ERBB4: variants seen among roughly 807,000 people sequenced by gnomAD.
ERBB4 encodes erb-b2 receptor tyrosine kinase 4, also known as receptor tyrosine-protein kinase erbB-4.
ERBB4 carries 42 observed loss-of-function variants against 158.0 expected under a neutral mutation model. That is an observed-to-expected ratio of 0.27 (90% CI 0.21 to 0.34). The LOEUF (loss-of-function observed/expected upper bound fraction) is 0.34. Ranked by LOEUF, ERBB4 falls within the 10% of genes least tolerant of loss-of-function variation. ERBB4 has a pLI of 1.00. For missense variants in ERBB4, 1,333 were observed against 1,624.1 expected, an observed-to-expected ratio of 0.82 and a Z score of 3.08; for synonymous variants, 583 against 558.7, an observed-to-expected ratio of 1.04 and a Z score of -0.61.
intron 4 of ERBB4, among the ~76,000 whole-genome samples, chr2:211,767,699 AACTC>A: frequency 6.6e-6 from 1 of 152,284 alleles, no homozygotes. Flanking sequence ...ATCTTGTAAG[AACTC>A]ACTCACTATC....
chr2:211,458,835 C>G (rs1416529440), intron 20 of ERBB4, among the ~76,000 whole-genome samples: 1 of 152,176 alleles, frequency 6.6e-6, no homozygotes, highest in African/African-American at 2.4e-5. Flanking sequence ...ATCACCAATA[C>G]TTCCTGAATC....
chr2:212,031,612 C>T (rs1378387898), intron 2 of ERBB4, among the ~76,000 whole-genome samples: 1 of 152,094 alleles, frequency 6.6e-6, no homozygotes, highest in African/African-American at 2.4e-5. Context: ...AATGACCAGA[C>T]TTTCAGATAT....
chr2:211,624,079 T>C, intron 17 of ERBB4, 35 bp from the exon 18 acceptor site: 1 of 1,613,522 alleles, frequency 6.2e-7, no homozygotes, highest in Non-Finnish European at 8.5e-7. Flanking sequence ...ATACTTTCAG[T>C]CCGATAGTCA....
At chr2:212,163,839 C>T (rs1235763550) in intron 1 of ERBB4, among the ~76,000 whole-genome samples, 1 of 152,196 alleles carries the variant, frequency 6.6e-6, no homozygotes, top group East Asian at 1.9e-4. Context: ...GTCTCCCAGG[C>T]TGGAGTGTAG....
intron 20 of ERBB4, among the ~76,000 whole-genome samples, chr2:211,434,955 T>C (rs190115769): frequency 2.6e-5 from 4 of 152,318 alleles, no homozygotes; most frequent in East Asian, 1.9e-4. Context: ...ACTGAGAGTG[T>C]TGAATCATCT....
intron 6 of ERBB4, among the ~76,000 whole-genome samples, chr2:211,724,316 T>C (rs1331172934): frequency 6.6e-6 from 1 of 151,940 alleles, no homozygotes; most frequent in East Asian, 1.9e-4. Context: ...CTTTAATATA[T>C]GGTTTGCTCA....
intron 2 of ERBB4, among the ~76,000 whole-genome samples, chr2:211,979,592 G>A (rs774087582): frequency 2.0e-5 from 3 of 151,656 alleles, no homozygotes; most frequent in Non-Finnish European, 4.4e-5. Flanking sequence ...CTTTCTCCTG[G>A]GCCACTTTAA....
chr2:211,709,735 C>T (rs934397216), intron 9 of ERBB4, among the ~76,000 whole-genome samples: 4 of 152,128 alleles, frequency 2.6e-5, no homozygotes, highest in African/African-American at 9.7e-5. Context: ...AAACTTCATG[C>T]TTGGTCATAC....
chr2:211,931,323 A>AAATTATAT (rs2080168722), intron 3 of ERBB4, among the ~76,000 whole-genome samples: 1 of 152,138 alleles, frequency 6.6e-6, no homozygotes, highest in Admixed American at 6.6e-5. Context: ...TTATTATAGC[A>AAATTATAT]CGTTGTTATC....
chr2:211,738,780 C>T (rs370867303), intron 5 of ERBB4, among the ~76,000 whole-genome samples: 7 of 151,800 alleles, frequency 4.6e-5, no homozygotes, highest in East Asian at 3.9e-4. Flanking sequence ...GATTCTCATG[C>T]GTCAGCCTCC....
intron 1 of ERBB4, among the ~76,000 whole-genome samples, chr2:212,361,393 G>C (rs915782111): frequency 6.6e-6 from 1 of 151,512 alleles, no homozygotes; most frequent in Admixed American, 6.6e-5. Flanking sequence ...AGACAGAGTG[G>C]CTCTTTCTGG....
chr2:212,115,735 C>G (rs1018484348), intron 2 of ERBB4, among the ~76,000 whole-genome samples: 5 of 152,052 alleles, frequency 3.3e-5, no homozygotes, highest in Non-Finnish European at 5.9e-5. Context: ...TCTCAAACTC[C>G]TGGGCTCAAG....
rs535379437 is a variant in ERBB4 at position 212,302,030 on chromosome 2, C to G, written c.83-177127G>C. Among the ~76,000 whole-genome samples, 13 of 151,436 alleles carry G rather than the reference C, an allele frequency of 8.6e-5. No homozygotes were observed. In the South Asian group the frequency reaches 2.3e-3, roughly 27 times the overall value. On this transcript the variant is annotated intron_variant, in intron 1 of 27. Coordinates refer to ENST00000342788, the MANE Select transcript of ERBB4 (RefSeq NM_005235.3). Reference sequence around the variant, plus strand: ...ATACTGTGCCTTGTTGCTTTTGATACACTCTCATTATAACCATTAGCTAAT... The same window carrying G: ...ATACTGTGCCTTGTTGCTTTTGATAGACTCTCATTATAACCATTAGCTAAT...
At chr2:212,175,802 T>C (rs2081647214) in intron 1 of ERBB4, among the ~76,000 whole-genome samples, 1 of 151,956 alleles carries the variant, frequency 6.6e-6, no homozygotes, top group South Asian at 2.1e-4. Flanking sequence ...TTAAAGCCTT[T>C]CTGGCAGTTC....
At chr2:212,407,263 A>G (rs2091373781) in intron 1 of ERBB4, among the ~76,000 whole-genome samples, 1 of 151,988 alleles carries the variant, frequency 6.6e-6, no homozygotes, top group Admixed American at 6.6e-5. Flanking sequence ...TTAATAAGCA[A>G]TACTATAGAA....
chr2:211,980,187 C>CT (rs1559237978), intron 2 of ERBB4, among the ~76,000 whole-genome samples: 1 of 152,110 alleles, frequency 6.6e-6, no homozygotes, highest in East Asian at 1.9e-4. Context: ...AGACATATGA[C>CT]TAACTTGTAT....
At chr2:212,405,752 A>G (rs927685728) in intron 1 of ERBB4, among the ~76,000 whole-genome samples, 1 of 152,108 alleles carries the variant, frequency 6.6e-6, no homozygotes, top group Non-Finnish European at 1.5e-5. Context: ...GAGCAGCCAC[A>G]CTTAGTAAGT....
At chr2:212,111,257 A>T (rs987949254) in intron 2 of ERBB4, among the ~76,000 whole-genome samples, 1 of 152,186 alleles carries the variant, frequency 6.6e-6, no homozygotes, top group Admixed American at 6.5e-5. Flanking sequence ...ATGATTATTG[A>T]ATACATCTCT....
At chr2:212,052,357 C>T (rs184050650) in intron 2 of ERBB4, among the ~76,000 whole-genome samples, 88 of 152,278 alleles carry the variant, frequency 5.8e-4, no homozygotes, top group African/African-American at 2.1e-3. Context: ...TTTTGGGGCT[C>T]AGACTGGCTT....
Sources: allele counts gnomAD v4.1 joint callset (sites outside exome capture counted in the v4.1 genomes callset), GRCh38; gene constraint gnomAD v4.1.1; transcripts MANE v1.5; gene names NCBI Gene and HGNC (gene_info 2026-07-23, HGNC 2026-07-21).